Variants in C11orf65 observed in about 807,000 individuals in gnomAD.
C11orf65 encodes chromosome 11 open reading frame 65.
A neutral mutation model predicts 35.3 loss-of-function variants in C11orf65; 38 were observed. The observed-to-expected ratio is 1.08, with a 90% CI of 0.83 to 1.41. C11orf65 has a LOEUF of 1.41. Ranked by LOEUF, C11orf65 falls within the 40% of genes most tolerant of loss-of-function variation. C11orf65 has a pLI of 0.00. For synonymous variants in C11orf65, 105 were observed against 114.4 expected, an observed-to-expected ratio of 0.92 and a Z score of 0.53; for missense variants, 370 against 367.1, an observed-to-expected ratio of 1.01 and a Z score of -0.06.
intron 2 of C11orf65, among the ~76,000 whole-genome samples, chr11:108,458,413 T>C (rs1367895880): frequency 1.3e-5 from 2 of 148,638 alleles, no homozygotes; most frequent in Non-Finnish European, 3.0e-5. Context: ...ACAGGAAGTC[T>C]AGCTTCTGGT....
chr11:108,386,032 G>T, intron 7 of C11orf65, 57 bp from the exon 8 acceptor site: 1 of 1,395,856 alleles, frequency 7.2e-7, no homozygotes, highest in South Asian at 1.2e-5. Flanking sequence ...TACATACTTA[G>T]ACTACTTCTA....
At chr11:108,349,340 AC>A (rs1160518233) in intron 2 of C11orf65, among the ~76,000 whole-genome samples, 2 of 152,200 alleles carry the variant, frequency 1.3e-5, no homozygotes, top group Non-Finnish European at 2.9e-5. Flanking sequence ...AAAGGCAAGG[AC>A]TGAATGGAAG....
At chr11:108,339,508 T>C (rs926876162) in intron 2 of C11orf65, among the ~76,000 whole-genome samples, 13 of 152,196 alleles carry the variant, frequency 8.5e-5, no homozygotes, top group South Asian at 4.1e-4. Flanking sequence ...ACTGAGAAAA[T>C]AGTCATCAGT....
At chr11:108,444,450 C>T (rs939293979) in intron 2 of C11orf65, among the ~76,000 whole-genome samples, 1 of 152,114 alleles carries the variant, frequency 6.6e-6, no homozygotes, top group African/African-American at 2.4e-5. Flanking sequence ...AAGAAGGAAT[C>T]CTCCCTAACT....
intron 3 of C11orf65, chr11:108,331,585 A>G (rs1565532802): frequency 1.3e-6 from 2 of 1,573,272 alleles, no homozygotes; most frequent in African/African-American, 1.4e-5. Flanking sequence ...TCAAACCACA[A>G]TAATTATTTT....
At chr11:108,457,496 C>G (rs1235815067) in intron 2 of C11orf65, among the ~76,000 whole-genome samples, 4 of 151,854 alleles carry the variant, frequency 2.6e-5, no homozygotes, top group Non-Finnish European at 5.9e-5. Context: ...ACAAAAAACT[C>G]AGCTGGGTGT....
intron 8 of C11orf65, among the ~76,000 whole-genome samples, chr11:108,385,296 T>C (rs1296751569): frequency 6.6e-6 from 1 of 152,108 alleles, no homozygotes; most frequent in Non-Finnish European, 1.5e-5. Flanking sequence ...GGTCTCGAAC[T>C]CCTGACCTCA....
At chr11:108,445,971 A>G (rs1009362309) in intron 2 of C11orf65, among the ~76,000 whole-genome samples, 1 of 152,352 alleles carries the variant, frequency 6.6e-6, no homozygotes, top group East Asian at 1.9e-4. Flanking sequence ...AACTACGTGA[A>G]GAATGCAGAA....
rs557005751 is a variant in C11orf65 at position 108,351,302 on chromosome 11, A to G, written c.227-16010T>C. Among the ~76,000 whole-genome samples the G allele has an allele frequency of 2.0e-5, 3 of 152,312 alleles. No individual in the cohort carries two copies. The South Asian group carries it at 6.2e-4, about 32-fold the overall frequency. On this transcript the variant is annotated intron_variant, in intron 2 of 3. Coordinates refer to the C11orf65 transcript ENST00000524755. ...AAGGGGGCCTCTGGAATGCTGGTAG[A>G]GTTCTGTTAACGTGGATTTGTTCAC...
rs876659773 is a variant in C11orf65, at chr11:108,319,973, A to G, written c.641-10902T>C. On this transcript the variant is annotated intron_variant, in intron 6 of 6. Transcript: ENST00000525729. ...TCACAGCAAAGAAGTAGAAGGAACC[A>G]GTTACCATGAATCATTGTACAATGC... is the stretch of plus-strand genomic sequence containing the variant. The G allele has an allele frequency of 5.0e-6, 8 of 1,611,798 alleles. No individual in the cohort carries two copies. The highest frequency in any genetic ancestry group is 1.3e-5 in the African/African-American group (1 of 74,890).
chr11:108,446,871 C>A (rs1236196322), intron 2 of C11orf65, among the ~76,000 whole-genome samples: 1 of 152,108 alleles, frequency 6.6e-6, no homozygotes, highest in Non-Finnish European at 1.5e-5. Flanking sequence ...CATCAGTGTG[C>A]TGTATTCAGG....
downstream of C11orf65, among the ~76,000 whole-genome samples, chr11:108,329,975 G>C (rs774995942): frequency 2.0e-5 from 3 of 152,194 alleles, no homozygotes; most frequent in Non-Finnish European, 4.4e-5. Flanking sequence ...GTAAGCAGAG[G>C]TGTAAGTTAG....
At chr11:108,420,527 C>T (rs1035188182) in intron 3 of C11orf65, among the ~76,000 whole-genome samples, 1 of 152,162 alleles carries the variant, frequency 6.6e-6, no homozygotes, top group Non-Finnish European at 1.5e-5. Flanking sequence ...AAAGGGTTGA[C>T]CTAGCATCAG....
At chr11:108,353,082 T>C (rs2089408013) in intron 2 of C11orf65, among the ~76,000 whole-genome samples, 3 of 152,276 alleles carry the variant, frequency 2.0e-5, no homozygotes, top group East Asian at 3.9e-4. Context: ...GGAAAAGGCA[T>C]AAGGGATGAT....
At chr11:108,413,661 T>C (rs969454740) in intron 3 of C11orf65, among the ~76,000 whole-genome samples, 22 of 152,278 alleles carry the variant, frequency 1.4e-4, no homozygotes, top group South Asian at 2.1e-4. Context: ...AGCTGTGGAT[T>C]TGTCATATAT....
intron 2 of C11orf65, among the ~76,000 whole-genome samples, chr11:108,342,083 T>A (rs1434504103): frequency 1.3e-5 from 2 of 151,948 alleles, no homozygotes; most frequent in African/African-American, 4.8e-5. Flanking sequence ...ATTATGAGAT[T>A]TTTTTTGCAG....
In C11orf65 at chr11:108,385,912, T is replaced by C; in HGVS notation, c.787+8A>G. On this transcript the variant is annotated splice_region_variant and intron_variant, in intron 8 of 8. Coordinates refer to ENST00000393084, the MANE Select transcript of C11orf65 (RefSeq NM_152587.5). ...ATTTCCTATAAAGTACTGCTAAAAATCACCTACCTTTGAAGTTAGCCGAAG... is the reference window on the plus strand; with the variant it reads ...ATTTCCTATAAAGTACTGCTAAAAACCACCTACCTTTGAAGTTAGCCGAAG... 2.4e-5 allele frequency: 39 copies of C among 1,612,744 alleles called. No homozygotes were observed. The highest frequency in any genetic ancestry group is 3.3e-5 in the Non-Finnish European group (39 of 1,179,158).
At position 108,315,469 on chromosome 11, in the gene C11orf65, TG is replaced by T. The variant is rs1261364435; in HGVS notation, c.641-6399del. The stretch of plus-strand genomic sequence containing the variant: ...TATCAAATGTATACAAATGATGGAA[TG>T]TGTAGACTAGTTGTACATTTATTTT... On this transcript the variant is annotated intron_variant, in intron 6 of 6. Transcript: ENST00000525729. Among the ~76,000 whole-genome samples the T allele has an allele frequency of 2.0e-5, 3 of 152,346 alleles. No homozygotes were observed. The East Asian group carries it at 5.8e-4, about 29-fold the overall frequency.
chr11:108,434,504 CAA>C (rs758864952), intron 2 of C11orf65, among the ~76,000 whole-genome samples: 34 of 108,524 alleles, frequency 3.1e-4, no homozygotes, highest in Admixed American at 4.8e-4. Context: ...GACTCTGTCT[CAA>C]AAAAAAAAAA....
Sources: allele counts gnomAD v4.1 joint callset (sites outside exome capture counted in the v4.1 genomes callset), GRCh38; gene constraint gnomAD v4.1.1; transcripts MANE v1.5; gene names NCBI Gene and HGNC (gene_info 2026-07-23, HGNC 2026-07-21).